Variants in HNF4G observed in about 807,000 individuals in gnomAD.
The protein encoded by HNF4G is hepatocyte nuclear factor 4-gamma.
A neutral mutation model predicts 50.9 loss-of-function variants in HNF4G; 21 were observed. The observed-to-expected ratio is 0.41, with a 90% CI of 0.29 to 0.59. The LOEUF (loss-of-function observed/expected upper bound fraction) is 0.59. Among genes scored for constraint, HNF4G ranks in the 20% least tolerant of loss-of-function variants. The pLI is 0.26. For synonymous variants in HNF4G, 198 were observed against 185.6 expected, an observed-to-expected ratio of 1.07 and a Z score of -0.54; for missense variants, 527 against 559.4, an observed-to-expected ratio of 0.94 and a Z score of 0.58.
At chr8:75,509,544 T>C (rs1471138717) in intron 2 of HNF4G, among the ~76,000 whole-genome samples, 3 of 152,206 alleles carry the variant, frequency 2.0e-5, no homozygotes, top group Non-Finnish European at 1.5e-5. Flanking sequence ...GTAAGACTTT[T>C]AGATAAGGCT....
chr8:75,543,552 T>G (rs1254679256), intron 1 of HNF4G, among the ~76,000 whole-genome samples: 1 of 152,188 alleles, frequency 6.6e-6, no homozygotes, highest in Non-Finnish European at 1.5e-5. Flanking sequence ...ATATTTATTG[T>G]CATGGAACTG....
chr8:75,448,910 A>G (rs1021681707), intron 1 of HNF4G, among the ~76,000 whole-genome samples: 13 of 152,220 alleles, frequency 8.5e-5, no homozygotes, highest in African/African-American at 3.1e-4. Flanking sequence ...TTAGCTCCCT[A>G]AAATGCAAAG....
intron 1 of HNF4G, among the ~76,000 whole-genome samples, chr8:75,474,577 G>A (rs1812194392): frequency 6.6e-6 from 1 of 152,110 alleles, no homozygotes; most frequent in African/African-American, 2.4e-5. Flanking sequence ...TCTGAAATAT[G>A]TCCACATAAG....
intron 1 of HNF4G, among the ~76,000 whole-genome samples, chr8:75,427,254 CTAAT>C (rs1214555208): frequency 7.9e-5 from 12 of 152,024 alleles, no homozygotes; most frequent in African/African-American, 2.9e-4. Context: ...CATCCAGACT[CTAAT>C]TAACTGTTGA....
intron 1 of HNF4G, among the ~76,000 whole-genome samples, chr8:75,417,784 A>T (rs1480184182): frequency 6.6e-6 from 1 of 152,194 alleles, no homozygotes; most frequent in East Asian, 1.9e-4. Context: ...GTTAGAATAG[A>T]TTTTGTAAAA....
At chr8:75,417,121 GCACACACA>G (rs36033284) in intron 1 of HNF4G, among the ~76,000 whole-genome samples, 45 of 151,326 alleles carry the variant, frequency 3.0e-4, no homozygotes, top group African/African-American at 8.5e-4. Flanking sequence ...ACGCGTGTGC[GCACACACA>G]CACACACACA....
chr8:75,484,446 C>G lies in HNF4G; in HGVS notation c.-143-5643C>G, dbSNP rs116978057. 1.3e-3 allele frequency among the ~76,000 whole-genome samples: 205 copies of G among 152,238 alleles called. 3 individuals carry two copies. In the East Asian group the frequency reaches 0.036, roughly 27 times the overall value. On this transcript the variant is annotated intron_variant, in intron 1 of 10. Coordinates refer to the HNF4G transcript ENST00000354370. ...GTACTCCAGTGCACAAGGCTTCTGC[C>G]CATCTCAAGGGCCTCCCTGGAATTC... is the stretch of plus-strand genomic sequence containing the variant.
intron 1 of HNF4G, among the ~76,000 whole-genome samples, chr8:75,486,196 C>T (rs887123461): frequency 1.3e-5 from 2 of 152,162 alleles, no homozygotes; most frequent in South Asian, 2.1e-4. Flanking sequence ...GACTTCTTGA[C>T]CTTAACCTTA....
chr8:75,491,846 C>T (rs7008442), intron 2 of HNF4G, among the ~76,000 whole-genome samples: 34,603 of 152,090 alleles, frequency 0.23, 5,138 homozygotes, highest in African/African-American at 0.42. Flanking sequence ...ACCATGAAGA[C>T]TTATAAGCAG....
At position 75,555,074 on chromosome 8, in the gene HNF4G, C is replaced by T. The variant is rs1249015417; in HGVS notation, c.646-908C>T. Among the ~76,000 whole-genome samples, 3 of 152,110 alleles carry T rather than the reference C, an allele frequency of 2.0e-5. No individual in the cohort carries two copies. The East Asian group carries it at 5.8e-4, about 29-fold the overall frequency. On this transcript the variant is annotated intron_variant, in intron 5 of 9. Coordinates refer to ENST00000396423, the MANE Select transcript of HNF4G (RefSeq NM_004133.5). The stretch of plus-strand genomic sequence containing the variant: ...CTCACGCCTCCCATCACCTGTGAGG[C>T]CATGTTTGACGAGTTTGGATTTCAG...
chr8:75,557,278 T>C (rs934535530), intron 6 of HNF4G, among the ~76,000 whole-genome samples: 1 of 152,216 alleles, frequency 6.6e-6, no homozygotes, highest in Non-Finnish European at 1.5e-5. Flanking sequence ...AAATATATGT[T>C]AATGAGTTTT....
At position 75,480,221 on chromosome 8, in the gene HNF4G, G is replaced by T. The variant is rs140089006; in HGVS notation, c.-143-9868G>T. On this transcript the variant is annotated intron_variant, in intron 1 of 10. Transcript: ENST00000354370. ...TAACTGGAAAGTACATAATATCTAAGGTAAAATTAAATCAAACTTTGGGAA... is the reference window on the plus strand; with the variant it reads ...TAACTGGAAAGTACATAATATCTAATGTAAAATTAAATCAAACTTTGGGAA... Among the ~76,000 whole-genome samples the T allele has an allele frequency of 1.1e-3, 166 of 152,186 alleles. 3 individuals carry two copies. The East Asian group carries it at 0.027, about 25-fold the overall frequency.
chr8:75,479,977 CCTTAA>C (rs2130654239), intron 1 of HNF4G, among the ~76,000 whole-genome samples: 1 of 119,284 alleles, frequency 8.4e-6, no homozygotes, highest in Admixed American at 7.4e-5. Flanking sequence ...GGAAAAACAA[CCTTAA>C]CTTTTTTTTT....
At chr8:75,441,237 A>G (rs9298252) in intron 1 of HNF4G, among the ~76,000 whole-genome samples, 151,798 of 151,800 alleles carry the variant, frequency 1, 75,898 homozygotes, top group Middle Eastern at 1. Context: ...TTTAAAGCCA[A>G]GATTAGAACT....
intron 1 of HNF4G, among the ~76,000 whole-genome samples, chr8:75,437,047 A>G (rs1811156458): frequency 1.3e-5 from 2 of 152,226 alleles, no homozygotes; most frequent in African/African-American, 4.8e-5. Context: ...ACAGTTTGTT[A>G]AAAACAAATA....
At chr8:75,505,836 ACT>A (rs1365754490) in intron 2 of HNF4G, among the ~76,000 whole-genome samples, 1 of 152,074 alleles carries the variant, frequency 6.6e-6, no homozygotes, top group Non-Finnish European at 1.5e-5. Flanking sequence ...AGAGACACAA[ACT>A]CTGAATAATT....
intron 1 of HNF4G, among the ~76,000 whole-genome samples, chr8:75,473,475 A>G (rs1812168819): frequency 6.6e-6 from 1 of 152,236 alleles, no homozygotes; most frequent in Admixed American, 6.5e-5. Flanking sequence ...CAAAGGAAAT[A>G]CTAAAGTTTG....
At chr8:75,499,155 A>G (rs565651112) in intron 2 of HNF4G, among the ~76,000 whole-genome samples, 1 of 152,136 alleles carries the variant, frequency 6.6e-6, no homozygotes, top group South Asian at 2.1e-4. Context: ...GTAGCTATTC[A>G]AACTACTAAA....
upstream of HNF4G, chr8:75,408,034 G>A (rs1332273709): frequency 2.0e-5 from 3 of 152,174 alleles, no homozygotes; most frequent in African/African-American, 7.2e-5. Flanking sequence ...TGCCGGGCAG[G>A]AGGAGCCTCG....
Sources: allele counts gnomAD v4.1 joint callset (sites outside exome capture counted in the v4.1 genomes callset), GRCh38; gene constraint gnomAD v4.1.1; transcripts MANE v1.5; gene names NCBI Gene and HGNC (gene_info 2026-07-23, HGNC 2026-07-21).